The following SCFD2 variants were observed in gnomAD, a reference collection of about 807,000 sequenced individuals.
The protein encoded by SCFD2 is sec1 family domain-containing protein 2.
Under a neutral mutation model 58.9 loss-of-function variants are expected in SCFD2, and 54 were observed. That is an observed-to-expected ratio of 0.92 (90% confidence interval 0.74 to 1.15). SCFD2 has a LOEUF of 1.15. Ranked by LOEUF, SCFD2 falls within the 50% of genes most tolerant of loss-of-function variation. SCFD2 has a pLI of 0.00. For missense variants in SCFD2, 805 were observed against 836.6 expected (o/e 0.96, Z 0.47); for synonymous variants, 321 against 335.9 (o/e 0.96, Z 0.49).
intron 3 of SCFD2, among the ~76,000 whole-genome samples, chr4:53,284,522 A>G (rs1374189212): frequency 6.7e-6 from 1 of 149,046 alleles, no homozygotes; most frequent in African/African-American, 2.4e-5. Context: ...AGGTTCTGAC[A>G]TAAAATAATA....
rs573970744 is a variant in SCFD2 at position 52,873,269 on chromosome 4, G to C, written c.*700C>G. On this transcript the variant is annotated 3_prime_UTR_variant, in exon 9 of 9. Coordinates refer to ENST00000401642, the MANE Select transcript of SCFD2 (RefSeq NM_152540.4). The stretch of plus-strand genomic sequence containing the variant: ...CTTGTACTGGAGTCTTTCTTTGGAG[G>C]GGAGAAAACCTTTTATATACAGATA... 3.3e-5 allele frequency: 5 copies of C among 152,296 alleles called. No homozygotes were observed. In the South Asian group the frequency reaches 8.3e-4, roughly 25 times the overall value. The allele number at this position is 152,296 out of a possible 1,614,324, so 9.4% of individuals were successfully genotyped here. A position where few individuals can be genotyped will look rare whatever the true frequency, so the allele number is the denominator to read the frequency against.
At chr4:53,126,303 G>A (rs532879819) in intron 5 of SCFD2, among the ~76,000 whole-genome samples, 1 of 152,146 alleles carries the variant, frequency 6.6e-6, no homozygotes, top group Non-Finnish European at 1.5e-5. Context: ...TAAAATGGCA[G>A]ATTGCGTTAA....
At chr4:52,916,484 G>A (rs2109480957) in intron 6 of SCFD2, among the ~76,000 whole-genome samples, 2 of 152,326 alleles carry the variant, frequency 1.3e-5, no homozygotes, top group South Asian at 4.1e-4. Flanking sequence ...TGAGGCATGA[G>A]AATCGCTTGA....
chr4:53,134,923 C>A (rs1311295261), intron 5 of SCFD2, among the ~76,000 whole-genome samples: 1 of 152,122 alleles, frequency 6.6e-6, no homozygotes, highest in Non-Finnish European at 1.5e-5. Context: ...CCAAAACTGC[C>A]TCTCAGCCTT....
At chr4:52,911,181 C>T (rs1190736055) in intron 6 of SCFD2, among the ~76,000 whole-genome samples, 2 of 152,202 alleles carry the variant, frequency 1.3e-5, no homozygotes, top group Non-Finnish European at 2.9e-5. Flanking sequence ...ATATTCTGTA[C>T]CTCCTCTGTG....
intron 5 of SCFD2, among the ~76,000 whole-genome samples, chr4:52,972,805 A>T (rs1485338121): frequency 3.9e-5 from 6 of 152,264 alleles, no homozygotes; most frequent in African/African-American, 1.4e-4. Flanking sequence ...AACAGAAATT[A>T]TAACAAACTG....
chr4:53,301,968 A>C (rs1349113639), intron 3 of SCFD2, among the ~76,000 whole-genome samples: 2 of 152,184 alleles, frequency 1.3e-5, no homozygotes, highest in Non-Finnish European at 2.9e-5. Flanking sequence ...AATAAGAGCT[A>C]TCTATGACAA....
intron 1 of SCFD2, among the ~76,000 whole-genome samples, chr4:53,363,650 C>T (rs971727700): frequency 2.0e-5 from 3 of 151,856 alleles, no homozygotes; most frequent in African/African-American, 4.8e-5. Flanking sequence ...GGTGAAACCC[C>T]GTCTCTACTA....
At chr4:53,023,339 A>T (rs769834746) in intron 5 of SCFD2, among the ~76,000 whole-genome samples, 5 of 152,154 alleles carry the variant, frequency 3.3e-5, no homozygotes, top group African/African-American at 4.8e-5. Context: ...ACTTTGGAAA[A>T]CTTGGATATC....
intron 2 of SCFD2, among the ~76,000 whole-genome samples, chr4:53,342,637 G>C (rs1181435319): frequency 6.6e-6 from 1 of 152,076 alleles, no homozygotes; most frequent in Non-Finnish European, 1.5e-5. Context: ...CTCTCTAACT[G>C]AAATACACAG....
chr4:53,039,535 C>G (rs1380560087), intron 5 of SCFD2, among the ~76,000 whole-genome samples: 1 of 152,110 alleles, frequency 6.6e-6, no homozygotes, highest in Non-Finnish European at 1.5e-5. Flanking sequence ...TTGGGCCAAT[C>G]TTCTCACCAA....
At chr4:52,884,032 C>T (rs1718679126) in intron 8 of SCFD2, among the ~76,000 whole-genome samples, 1 of 152,188 alleles carries the variant, frequency 6.6e-6, no homozygotes, top group African/African-American at 2.4e-5. Context: ...CAGACTGTTC[C>T]TACCAGGCCA....
rs187209394 is a variant in SCFD2 at position 53,156,726 on chromosome 4, G to A, written c.1312-11144C>T. 3.0e-3 allele frequency among the ~76,000 whole-genome samples: 460 copies of A among 152,246 alleles called. 1 individual carries two copies. Among genetic ancestry groups the A allele is most frequent in the African/African-American group, 9.3e-3 (388 of 41,546 alleles). On this transcript the variant is annotated intron_variant, in intron 4 of 8. Transcript: ENST00000401642. ...ACAAACAAAGAGCTCATGACAAAGCGGTCAAACTTATTAATCTTATTGACT... is the reference window on the plus strand; with the variant it reads ...ACAAACAAAGAGCTCATGACAAAGCAGTCAAACTTATTAATCTTATTGACT...
intron 3 of SCFD2, among the ~76,000 whole-genome samples, chr4:53,283,104 T>TA (rs1403337446): frequency 1.3e-5 from 2 of 152,200 alleles, no homozygotes; most frequent in African/African-American, 4.8e-5. Flanking sequence ...TATATCCATG[T>TA]ACTCACCAAC....
At chr4:52,923,978 A>G (rs1719804548) in intron 5 of SCFD2, among the ~76,000 whole-genome samples, 1 of 152,234 alleles carries the variant, frequency 6.6e-6, no homozygotes, top group Admixed American at 6.5e-5. Context: ...GTTGAGTACT[A>G]TGTACTACTT....
At chr4:53,066,116 T>C (rs1723655758) in intron 5 of SCFD2, among the ~76,000 whole-genome samples, 1 of 152,110 alleles carries the variant, frequency 6.6e-6, no homozygotes, top group Non-Finnish European at 1.5e-5. Flanking sequence ...CACAGATGAA[T>C]GTTCTGACCA....
intron 3 of SCFD2, among the ~76,000 whole-genome samples, chr4:53,280,451 G>A (rs1029646951): frequency 1.3e-5 from 2 of 152,032 alleles, no homozygotes; most frequent in Admixed American, 6.6e-5. Context: ...AGGAGACAGA[G>A]GTTGCAGTGA....
At chr4:53,100,184 A>T (rs1457209468) in intron 5 of SCFD2, among the ~76,000 whole-genome samples, 1 of 152,210 alleles carries the variant, frequency 6.6e-6, no homozygotes, top group Non-Finnish European at 1.5e-5. Context: ...CAGGAATTAA[A>T]TTGCCAACAT....
chr4:52,964,568 G>A (rs967544612), intron 5 of SCFD2, among the ~76,000 whole-genome samples: 1 of 152,088 alleles, frequency 6.6e-6, no homozygotes, highest in Admixed American at 6.5e-5. Context: ...CTTGAATTTT[G>A]ATTTCACTGA....
Sources: gnomAD v4.1 joint callset for allele counts (sites outside exome capture counted in the v4.1 genomes callset) on GRCh38, gnomAD v4.1.1 for gene constraint, MANE v1.5 for transcripts, NCBI Gene and HGNC (gene_info 2026-07-23, HGNC 2026-07-21) for gene names.